APLP2: variants seen among roughly 807,000 people sequenced by gnomAD.
The protein encoded by APLP2 is amyloid beta precursor like protein 2.
A neutral mutation model predicts 89.9 loss-of-function variants in APLP2; 53 were observed. That is an observed-to-expected ratio of 0.59 (90% CI 0.47 to 0.74). The LOEUF is 0.74. APLP2 is among the 30% of genes least tolerant of loss of function. APLP2 has a pLI of 0.00. For missense variants in APLP2, 973 were observed against 975.9 expected, an observed-to-expected ratio of 1.00 and a Z score of 0.04; for synonymous variants, 372 against 348.6, an observed-to-expected ratio of 1.07 and a Z score of -0.75.
Position 130,123,468 on chromosome 11 carries a change from TGGAGCTTTC to T in APLP2, c.923-141_923-133del. On this transcript the variant is annotated intron_variant, in intron 6 of 16. Transcript: ENST00000338167. The surrounding 1 kb of genome is among the most constrained non-coding windows in gnomAD (Gnocchi z 4.0). Reference sequence around the variant, plus strand: ...TGTCCTCAGCAAGGCTGGCCTGAGCTGGAGCTTTCGGCCACCGGGCCTCCAGGCTCCGTC... The same window carrying T: ...TGTCCTCAGCAAGGCTGGCCTGAGCTGGCCACCGGGCCTCCAGGCTCCGTC... 1.2e-6 allele frequency: 1 copy of T among 802,390 alleles called. No homozygotes were observed. Among genetic ancestry groups the T allele is most frequent in the East Asian group, 2.7e-5 (1 of 37,438 alleles). 49.7% of individuals were successfully genotyped at this position (802,390 alleles called of 1,614,324 possible).
intron 1 of APLP2, among the ~76,000 whole-genome samples, chr11:130,093,006 G>A (rs977381276): frequency 1.3e-5 from 2 of 152,148 alleles, no homozygotes; most frequent in Non-Finnish European, 2.9e-5. Flanking sequence ...GAAACTAAAT[G>A]TGAGCATTTA....
intron 3 of APLP2, among the ~76,000 whole-genome samples, chr11:130,116,154 A>G (rs1949129063): frequency 6.6e-6 from 1 of 152,148 alleles, no homozygotes; most frequent in Non-Finnish European, 1.5e-5. Context: ...ACATCTTTGA[A>G]TAAAAGATAA....
intron 11 of APLP2, among the ~76,000 whole-genome samples, chr11:130,133,342 C>T (rs1951143532): frequency 6.6e-6 from 1 of 152,110 alleles, no homozygotes; most frequent in African/African-American, 2.4e-5. Flanking sequence ...AGGCTGGTCT[C>T]AAACTCCTTC....
At position 130,141,804 on chromosome 11, in the gene APLP2, C is replaced by G; in HGVS notation, c.1999-115C>G. On this transcript the variant is annotated intron_variant, in intron 15 of 16. Transcript: ENST00000338167. The surrounding 1 kb of genome is among the most constrained non-coding windows in gnomAD (Gnocchi z 4.2). The stretch of plus-strand genomic sequence containing the variant: ...TTCCCTGCAAAGCAGGATCTTGGTG[C>G]TACTTTGGGTTTTAGGGGCTCGACC... 7.8e-7 allele frequency: 1 copy of G among 1,276,804 alleles called. No individual in the cohort carries two copies. Among genetic ancestry groups the G allele is most frequent in the Non-Finnish European group, 1.1e-6 (1 of 920,818 alleles). 79.1% of individuals were successfully genotyped at this position (1,276,804 alleles called of 1,614,324 possible). A position where few individuals can be genotyped will look rare whatever the true frequency, so the allele number is the denominator to read the frequency against.
intron 12 of APLP2, 26 bp from the exon 13 acceptor site, chr11:130,135,537 T>C: frequency 5.6e-6 from 9 of 1,610,968 alleles, no homozygotes; most frequent in Non-Finnish European, 7.6e-6. Context: ...AAGCCTGCTT[T>C]CTGTCCCCTG....
chr11:130,117,466 G>A (rs538204538), intron 3 of APLP2, among the ~76,000 whole-genome samples: 15 of 151,228 alleles, frequency 9.9e-5, no homozygotes, highest in South Asian at 2.1e-4. Flanking sequence ...TTTCTGAGAC[G>A]GAGTCTCTTG....
Position 130,129,768 on chromosome 11 carries a change from A to G in APLP2, c.1456-270A>G, listed in dbSNP as rs371864153. On this transcript the variant is annotated intron_variant, in intron 10 of 16. Coordinates refer to ENST00000338167, the MANE Select transcript of APLP2 (RefSeq NM_001142276.2). ...GGTGTCAGAGGCTGAGCCAGGAAAA[A>G]GGACAGATCAGAAGAGAACGGGAGT... 6.8e-4 allele frequency among the ~76,000 whole-genome samples: 104 copies of G among 152,340 alleles called. 1 individual carries two copies. In the South Asian group the frequency reaches 0.02, roughly 29 times the overall value.
chr11:130,081,854 T>A (rs1455605940), intron 1 of APLP2, among the ~76,000 whole-genome samples: 1 of 151,762 alleles, frequency 6.6e-6, no homozygotes, highest in Non-Finnish European at 1.5e-5. Context: ...GGATATCTTT[T>A]AAAAAAAAAT....
chr11:130,101,845 A>C, intron 1 of APLP2: 1 of 433,892 alleles, frequency 2.3e-6, no homozygotes, highest in South Asian at 1.6e-5. Flanking sequence ...TAATTGCTGC[A>C]GTTTTTCCAC....
chr11:130,078,046 C>CT (rs1465715927), intron 1 of APLP2, among the ~76,000 whole-genome samples: 1 of 152,160 alleles, frequency 6.6e-6, no homozygotes, highest in Admixed American at 6.5e-5. Context: ...CCAGTATCTC[C>CT]TTTCCTTCCT....
At chr11:130,083,107 C>T (rs1301938405) in intron 1 of APLP2, among the ~76,000 whole-genome samples, 1 of 138,838 alleles carries the variant, frequency 7.2e-6, no homozygotes, top group Admixed American at 8.0e-5. Context: ...ACAATCATAG[C>T]TCACTAGAGC....
chr11:130,129,398 A>C (rs1950692562), intron 10 of APLP2, among the ~76,000 whole-genome samples, 192 bp downstream of exon 10: 1 of 152,250 alleles, frequency 6.6e-6, no homozygotes, highest in Non-Finnish European at 1.5e-5. Context: ...ACATCGCTTT[A>C]TGCCTGCGTA....
At chr11:130,078,516 T>C (rs1213689381) in intron 1 of APLP2, among the ~76,000 whole-genome samples, 1 of 152,204 alleles carries the variant, frequency 6.6e-6, no homozygotes, top group Non-Finnish European at 1.5e-5. Flanking sequence ...AGGTGCTTTT[T>C]GTATCCTGTT....
intron 1 of APLP2, among the ~76,000 whole-genome samples, chr11:130,075,946 A>G (rs1460442992): frequency 6.6e-6 from 1 of 152,184 alleles, no homozygotes; most frequent in Non-Finnish European, 1.5e-5. Context: ...TGTAAACCAT[A>G]TGGTTAATAG....
intron 3 of APLP2, among the ~76,000 whole-genome samples, chr11:130,118,554 A>G (rs1046250519): frequency 1.3e-5 from 2 of 152,218 alleles, no homozygotes; most frequent in Non-Finnish European, 2.9e-5. Context: ...GCTTTTTGTC[A>G]TAAATGAACA....
At chr11:130,114,105 A>G (rs534779817) in intron 3 of APLP2, 3 of 152,350 alleles carry the variant, frequency 2.0e-5, no homozygotes, top group Non-Finnish European at 4.4e-5. Context: ...TGTAGACAAT[A>G]TCTAGTTGAT....
rs373049325 is a variant in APLP2 at position 130,094,946 on chromosome 11, C to A, written c.106-14483C>A. ...GGGTCAGCTAGTGTGTCTGACTACA[C>A]TGAAGGGAATTTTACTGATCTTTTC... On this transcript the variant is annotated intron_variant, in intron 1 of 16. Coordinates refer to ENST00000338167, the MANE Select transcript of APLP2 (RefSeq NM_001142276.2). Among the ~76,000 whole-genome samples, 4 of 152,296 alleles carry A rather than the reference C, an allele frequency of 2.6e-5. No homozygotes were observed. The South Asian group carries it at 8.3e-4, about 32-fold the overall frequency.
At chr11:130,086,136 T>G (rs900331832) in intron 1 of APLP2, among the ~76,000 whole-genome samples, 6 of 152,264 alleles carry the variant, frequency 3.9e-5, no homozygotes, top group Non-Finnish European at 8.8e-5. Flanking sequence ...CCACAGTGAC[T>G]TTACTGTTCT....
At position 130,121,600 on chromosome 11, in the gene APLP2, T is replaced by C. The variant is rs2135944980; in HGVS notation, c.517-14T>C. The C allele has an allele frequency of 6.2e-7, 1 of 1,608,832 alleles. No homozygotes were observed. Among genetic ancestry groups the C allele is most frequent in the Admixed American group, 1.7e-5 (1 of 59,596 alleles). ...CTGGAGTATGTTCTGATGTGGCCTG[T>C]GGGTTTCTTTTAGGCATGTCTGACT... On this transcript the variant is annotated splice_polypyrimidine_tract_variant and intron_variant, in intron 4 of 16. Transcript: ENST00000338167.
Sources: allele counts gnomAD v4.1 joint callset (sites outside exome capture counted in the v4.1 genomes callset), GRCh38; gene constraint gnomAD v4.1.1; non-coding constraint Gnocchi (gnomAD v3.1); transcripts MANE v1.5; gene names NCBI Gene and HGNC (gene_info 2026-07-23, HGNC 2026-07-21).